NCOA1: variants seen among roughly 807,000 people sequenced by gnomAD.
The protein encoded by NCOA1 is nuclear receptor coactivator 1, also known as Hin-2 protein.
Under a neutral mutation model 150.9 loss-of-function variants are expected in NCOA1, and 35 were observed. The ratio of observed to expected loss-of-function variants is 0.23; its 90% CI spans 0.18 to 0.31. NCOA1 has a LOEUF of 0.31. Ranked by LOEUF, NCOA1 falls within the 10% of genes least tolerant of loss-of-function variation. The pLI, the probability that NCOA1 is intolerant of heterozygous loss-of-function variation, is 1.00. For synonymous variants in NCOA1, 590 were observed against 630.0 expected, an observed-to-expected ratio of 0.94 and a Z score of 0.95; for missense variants, 1,491 against 1,749.3, an observed-to-expected ratio of 0.85 and a Z score of 2.63.
At chr2:24,741,417 T>A (rs1370983024) in intron 18 of NCOA1, among the ~76,000 whole-genome samples, 1 of 152,208 alleles carries the variant, frequency 6.6e-6, no homozygotes, top group Non-Finnish European at 1.5e-5. Context: ...TTCACTTCCT[T>A]ATGGTCTTCA....
chr2:24,526,819 C>A (rs975691689), intron 1 of NCOA1, among the ~76,000 whole-genome samples: 1 of 151,770 alleles, frequency 6.6e-6, no homozygotes, highest in Non-Finnish European at 1.5e-5. Flanking sequence ...GTTTTGCATC[C>A]ATGGATTTAA....
At chr2:24,633,045 T>C (rs1036257397) in intron 3 of NCOA1, among the ~76,000 whole-genome samples, 1 of 151,192 alleles carries the variant, frequency 6.6e-6, no homozygotes, top group Non-Finnish European at 1.5e-5. Flanking sequence ...CTGGAGAAAA[T>C]AGACTATGCC....
intron 19 of NCOA1, among the ~76,000 whole-genome samples, chr2:24,744,061 C>A (rs1008009310): frequency 3.9e-5 from 6 of 152,158 alleles, no homozygotes; most frequent in Non-Finnish European, 8.8e-5. Flanking sequence ...TGACAAGTTT[C>A]TTTCACAGTT....
intron 17 of NCOA1, among the ~76,000 whole-genome samples, chr2:24,738,085 C>T (rs1362437127): frequency 1.3e-5 from 2 of 151,996 alleles, no homozygotes; most frequent in Admixed American, 6.6e-5. Context: ...GTCATTTTAA[C>T]ATTTATATTA....
chr2:24,751,310 C>T (rs1239031222), intron 19 of NCOA1, among the ~76,000 whole-genome samples: 3 of 149,858 alleles, frequency 2.0e-5, no homozygotes, highest in South Asian at 2.2e-4. Flanking sequence ...CAGCCGGGCG[C>T]GGTGGCTCAC....
At chr2:24,559,934 G>C (rs936438435) in intron 1 of NCOA1, among the ~76,000 whole-genome samples, 5 of 152,180 alleles carry the variant, frequency 3.3e-5, no homozygotes, top group Non-Finnish European at 7.3e-5. Context: ...CCTTTGGTTA[G>C]AGGATTTTCT....
chr2:24,574,802 T>C (rs1666886086), intron 2 of NCOA1, among the ~76,000 whole-genome samples: 1 of 152,162 alleles, frequency 6.6e-6, no homozygotes, highest in South Asian at 2.1e-4. Flanking sequence ...CTTCCAATCT[T>C]GCGCCATTGT....
intron 3 of NCOA1, among the ~76,000 whole-genome samples, chr2:24,591,939 AT>A (rs1667675261): frequency 6.6e-6 from 1 of 152,044 alleles, no homozygotes; most frequent in Non-Finnish European, 1.5e-5. Context: ...AATACCTTTT[AT>A]TTTTTTCTTC....
At chr2:24,640,404 T>A (rs1266338418) in intron 3 of NCOA1, among the ~76,000 whole-genome samples, 2 of 152,196 alleles carry the variant, frequency 1.3e-5, no homozygotes, top group African/African-American at 4.8e-5. Flanking sequence ...TTTTATCTAT[T>A]ATTGAGAGAG....
chr2:24,721,402 A>G (rs182570185), intron 14 of NCOA1, among the ~76,000 whole-genome samples: 35 of 152,160 alleles, frequency 2.3e-4, no homozygotes, highest in African/African-American at 7.0e-4. Context: ...CTGTCTCTCC[A>G]TATATATTGA....
At chr2:24,592,241 T>C (rs1572460878) in intron 3 of NCOA1, among the ~76,000 whole-genome samples, 2 of 152,348 alleles carry the variant, frequency 1.3e-5, no homozygotes, top group East Asian at 3.9e-4. Context: ...CAGATTCATA[T>C]ACTTATTAAG....
intron 4 of NCOA1, among the ~76,000 whole-genome samples, chr2:24,646,626 T>C (rs1247319934): frequency 1.3e-5 from 2 of 152,058 alleles, no homozygotes; most frequent in East Asian, 3.9e-4. Flanking sequence ...CATTTCAGGA[T>C]TGTCTGTTTC....
rs986868667 is a variant in NCOA1, at chr2:24,770,393, C to T, written c.*2002C>T. 4 of 230,056 alleles carry T rather than the reference C, an allele frequency of 1.7e-5. No homozygotes were observed. The East Asian group carries it at 1.9e-4, about 11-fold the overall frequency. 14.3% of individuals were successfully genotyped at this position (230,056 alleles called of 1,614,324 possible). On this transcript the variant is annotated 3_prime_UTR_variant, in exon 23 of 23. Transcript: ENST00000348332. ...AAGGAAAATTGGAGATGCTAACATCCTCCCCCATCCCAACTGCACCTTAAA... is the reference window on the plus strand; with the variant it reads ...AAGGAAAATTGGAGATGCTAACATCTTCCCCCATCCCAACTGCACCTTAAA...
At chr2:24,706,122 T>G (rs912259865) in intron 12 of NCOA1, among the ~76,000 whole-genome samples, 8 of 152,192 alleles carry the variant, frequency 5.3e-5, no homozygotes, top group Non-Finnish European at 1.0e-4. Flanking sequence ...GTTGAAATAC[T>G]TAAAAGCTGT....
rs573782176 is a variant in NCOA1 at position 24,744,534 on chromosome 2, G to A, written c.3706+2348G>A. 2.0e-3 allele frequency among the ~76,000 whole-genome samples: 303 copies of A among 152,336 alleles called. 2 individuals carry two copies. Among genetic ancestry groups the A allele is most frequent in the Non-Finnish European group, 2.6e-3 (175 of 68,030 alleles). Reference sequence around the variant, plus strand: ...GATCAGCAGTCTGGTAGAGGACCAGGTTTTGTGTTGGCACAAAATGAAGTT... The same window carrying A: ...GATCAGCAGTCTGGTAGAGGACCAGATTTTGTGTTGGCACAAAATGAAGTT... On this transcript the variant is annotated intron_variant, in intron 19 of 22. Coordinates refer to ENST00000348332, the MANE Select transcript of NCOA1 (RefSeq NM_003743.5).
chr2:24,673,341 A>AT (rs1232712598), intron 6 of NCOA1, 25 bp from the exon 7 acceptor site: 5 of 1,467,102 alleles, frequency 3.4e-6, no homozygotes, highest in Non-Finnish European at 2.8e-6. Context: ...CAGATATGTG[A>AT]TTTTTTTAAG....
intron 1 of NCOA1, among the ~76,000 whole-genome samples, chr2:24,513,061 A>G (rs1408470160): frequency 1.3e-5 from 2 of 152,228 alleles, no homozygotes; most frequent in Non-Finnish European, 2.9e-5. Context: ...TTAGTCAGAT[A>G]TTAGCTATTT....
At chr2:24,541,146 T>G (rs1665375529) in intron 1 of NCOA1, among the ~76,000 whole-genome samples, 1 of 152,194 alleles carries the variant, frequency 6.6e-6, no homozygotes, top group Non-Finnish European at 1.5e-5. Context: ...AAGTCATGTA[T>G]AAGTGATAAT....
At chr2:24,668,955 C>T (rs1420725082) in intron 6 of NCOA1, among the ~76,000 whole-genome samples, 3 of 152,052 alleles carry the variant, frequency 2.0e-5, no homozygotes, top group Admixed American at 1.3e-4. Flanking sequence ...ACACACACAT[C>T]GGCTCCCTTA....
Sources: allele counts gnomAD v4.1 joint callset (sites outside exome capture counted in the v4.1 genomes callset), GRCh38; gene constraint gnomAD v4.1.1; transcripts MANE v1.5; gene names NCBI Gene and HGNC (gene_info 2026-07-23, HGNC 2026-07-21).